The following SLC37A2 variants were observed in gnomAD, a reference collection of about 807,000 sequenced individuals.
SLC37A2 encodes solute carrier family 37 member 2.
In SLC37A2, 59 loss-of-function variants were observed where a neutral mutation model predicts 70.7. That is an observed-to-expected ratio of 0.83 (90% CI 0.68 to 1.04). SLC37A2 has a LOEUF of 1.04. SLC37A2 is among the 50% of genes least tolerant of loss of function. The pLI, the probability that SLC37A2 is intolerant of heterozygous loss-of-function variation, is 0.00. For synonymous variants in SLC37A2, 257 were observed against 262.1 expected (o/e 0.98, Z 0.19); for missense variants, 580 against 658.1 (o/e 0.88, Z 1.30).
intron 1 of SLC37A2, among the ~76,000 whole-genome samples, chr11:125,075,454 C>A (rs995778500): frequency 1.3e-5 from 2 of 152,234 alleles, no homozygotes; most frequent in Admixed American, 6.5e-5. Flanking sequence ...ACATGTGTGC[C>A]TTTGGGAACC....
In SLC37A2 at chr11:125,063,946, C is replaced by T. The variant is rs1591624308; in HGVS notation, c.59+520C>T. Among the ~76,000 whole-genome samples, 1 of 152,168 alleles carries T rather than the reference C, an allele frequency of 6.6e-6. No individual in the cohort carries two copies. The highest frequency in any genetic ancestry group is 1.9e-4 in the East Asian group (1 of 5,188). ...GGCCTTTCAGCACCTGGAAAGGGCA[C>T]AGCTCTCAGAGCAGAGCAGGGCAGC... On this transcript the variant is annotated intron_variant, in intron 1 of 17. Coordinates refer to ENST00000403796, the MANE Select transcript of SLC37A2 (RefSeq NM_001145290.2). This position sits in a 1 kb window ranked among gnomAD's most constrained non-coding sequence, Gnocchi z 5.4.
intron 4 of SLC37A2, among the ~76,000 whole-genome samples, chr11:125,078,584 C>T (rs1949114080): frequency 6.6e-6 from 1 of 152,094 alleles, no homozygotes; most frequent in Admixed American, 6.5e-5. Context: ...CTGAGCCTGG[C>T]TTGAGTGCCC....
chr11:125,079,035 G>T (rs1167866134), intron 4 of SLC37A2, 77 bp from the exon 5 acceptor site: 2 of 1,593,730 alleles, frequency 1.3e-6, no homozygotes, highest in African/African-American at 2.7e-5. Context: ...TCCTAGCGTG[G>T]TGGGGGCAGA....
Position 125,080,334 on chromosome 11 carries a change from C to T in SLC37A2, c.528-280C>T, listed in dbSNP as rs775681271. ...GAGATCGTGGGACAGAAGAGAAGAA[C>T]GAGGGCCGGGGCCCCCATGCCCTCA... On this transcript the variant is annotated intron_variant, in intron 6 of 17. Coordinates refer to ENST00000403796, the MANE Select transcript of SLC37A2 (RefSeq NM_001145290.2). This position sits in a 1 kb window ranked among gnomAD's most constrained non-coding sequence, Gnocchi z 4.3. Among the ~76,000 whole-genome samples the T allele has an allele frequency of 1.1e-4, 16 of 152,170 alleles. No homozygotes were observed. Among genetic ancestry groups the T allele is most frequent in the Admixed American group, 2.6e-4 (4 of 15,278 alleles).
chr11:125,085,708 G>A (rs1243965677), intron 16 of SLC37A2, 34 bp downstream of exon 16: 17 of 1,601,104 alleles, frequency 1.1e-5, no homozygotes, highest in Admixed American at 5.0e-5. Context: ...TAGGTATTGA[G>A]GGATGCTCTG....
At chr11:125,081,520 G>A (rs749193342) in intron 8 of SLC37A2, 62 bp downstream of exon 8, 14 of 1,551,832 alleles carry the variant, frequency 9.0e-6, no homozygotes, top group African/African-American at 2.7e-5. Flanking sequence ...GGCTGGACCC[G>A]GAGAGGCCTG....
chr11:125,077,313 G>C lies in SLC37A2; in HGVS notation c.225G>C (p.Trp75Cys). 1 of 1,604,066 alleles carries C rather than the reference G, an allele frequency of 6.2e-7. No homozygotes were observed. Among genetic ancestry groups the C allele is most frequent in the Non-Finnish European group, 8.5e-7 (1 of 1,175,212 alleles). Residue 75 changes from tryptophan (W) to cysteine (C), a missense_variant, in exon 3 of 18, where the codon TGG becomes TGC. Trp to Cys is a radical substitution (Grantham distance 215, BLOSUM62 -2). Transcript: ENST00000403796. Reference sequence around the variant, plus strand: ...TCAATGACACCATGTGGTGCAGCTGGGCCCCATTTGGTAAGAACAGGGCAA... The same window carrying C: ...TCAATGACACCATGTGGTGCAGCTGCGCCCCATTTGGTAAGAACAGGGCAA... ...HSLNDTMWCS[W>C]APFDKDNYKE...
intron 10 of SLC37A2, among the ~76,000 whole-genome samples, chr11:125,082,877 C>T (rs894717524): frequency 4.6e-5 from 7 of 152,148 alleles, no homozygotes; most frequent in South Asian, 2.1e-4. Flanking sequence ...GACCTACTCC[C>T]GTCTGCTCCT....
intron 14 of SLC37A2, 35 bp from the exon 15 acceptor site, chr11:125,085,360 C>G (rs1229294601): frequency 1.9e-6 from 3 of 1,598,030 alleles, no homozygotes; most frequent in Non-Finnish European, 2.6e-6. Flanking sequence ...TGCTGCTGCT[C>G]AGCTGGGCTT....
At position 125,088,639 on chromosome 11, in the gene SLC37A2, C is replaced by A. The variant is rs1949249978; in HGVS notation, c.*505C>A. 1 of 154,108 alleles carries A rather than the reference C, an allele frequency of 6.5e-6. No homozygotes were observed. Among genetic ancestry groups the A allele is most frequent in the Admixed American group, 6.5e-5 (1 of 15,426 alleles). 9.5% of individuals were successfully genotyped at this position (154,108 alleles called of 1,614,324 possible). On this transcript the variant is annotated 3_prime_UTR_variant, in exon 18 of 18. Transcript: ENST00000403796. ...TGTGCATTTCCCCAAGCTGGGCCCT[C>A]TTCTACTCTCCATTTAGGCCTGTTG...
chr11:125,079,749 C>A lies in SLC37A2; in HGVS notation c.516C>A (p.Phe172Leu). 6.2e-7 allele frequency: 1 copy of A among 1,609,160 alleles called. No homozygotes were observed. Among genetic ancestry groups the A allele is most frequent in the South Asian group, 1.1e-5 (1 of 89,894 alleles). The change falls in exon 6 of 18, where the codon TTC (phenylalanine) becomes TTA (leucine). Residue 172 changes from phenylalanine to leucine, a missense_variant. By Grantham distance (22) the Phe-to-Leu change is conservative. Transcript: ENST00000403796. ...PSVVTCVGNW[F>L]GKGKRGFIMG... is the part of the protein sequence containing the mutation. ...TGGTGACCTGTGTTGGCAACTGGTT[C>A]GGGAAGGGGAAGTGAGTGTAACAAG...
At chr11:125,070,357 C>A (rs1160064256) in intron 1 of SLC37A2, among the ~76,000 whole-genome samples, 1 of 152,202 alleles carries the variant, frequency 6.6e-6, no homozygotes, top group African/African-American at 2.4e-5. Context: ...GAGAGAAAAT[C>A]TGCTGTGTGC....
chr11:125,079,312 G>T (rs1302990172), intron 5 of SLC37A2, 65 bp downstream of exon 5: 3 of 1,601,316 alleles, frequency 1.9e-6, no homozygotes, highest in Admixed American at 1.7e-5. Context: ...GGAGACCGCA[G>T]CTCACAGCGG....
At chr11:125,068,070 C>T (rs1948998412) in intron 1 of SLC37A2, among the ~76,000 whole-genome samples, 1 of 152,120 alleles carries the variant, frequency 6.6e-6, no homozygotes, top group African/African-American at 2.4e-5. Context: ...TAGAAGGGCT[C>T]AGTAATACGC....
chr11:125,084,836 C>T lies in SLC37A2; in HGVS notation c.1137C>T (p.Tyr379=). Residue 379 remains tyrosine, a synonymous_variant, in exon 13 of 18, where the codon TAC becomes TAT. Transcript: ENST00000403796. Reference sequence around the variant, plus strand: ...CTCTCCTCTCTCAGATGTTCCTGTACAACTACATTGGCCAGGACGGGATTG... The same window carrying T: ...CTCTCCTCTCTCAGATGTTCCTGTATAACTACATTGGCCAGGACGGGATTG... ...LILAAPMMFL[Y]NYIGQDGIAS... 1.9e-6 allele frequency: 3 copies of T among 1,613,666 alleles called. No individual in the cohort carries two copies. Among genetic ancestry groups the T allele is most frequent in the Non-Finnish European group, 2.5e-6 (3 of 1,179,842 alleles).
chr11:125,080,298 TGC>T lies in SLC37A2; in HGVS notation c.528-315_528-314del, dbSNP rs1200279717. On this transcript the variant is annotated intron_variant, in intron 6 of 17. Transcript: ENST00000403796. The surrounding 1 kb of genome is among the most constrained non-coding windows in gnomAD (Gnocchi z 4.3). ...TAGGATCACCCCTGGTTGAGGACAG[TGC>T]TTTAGAGTGAGATCGTGGGACAGAA... Among the ~76,000 whole-genome samples the T allele has an allele frequency of 3.9e-5, 6 of 152,186 alleles. No individual in the cohort carries two copies. The highest frequency in any genetic ancestry group is 1.4e-4 in the African/African-American group (6 of 41,446).
In SLC37A2 at chr11:125,085,668, C is replaced by T; in HGVS notation, c.1419C>T (p.Ala473=). The change falls in exon 16 of 18, where the codon GCC becomes GCT. Residue 473 remains alanine, a synonymous_variant. Transcript: ENST00000403796. ...TGCTCATCTCTGCCGACGTCCTAGC[C>T]TGCTTGGTAAGAGTCTTGGGGTACA... ...FYMLISADVL[A]CLLLCRLVYK... is the part of the protein sequence containing the mutation. 1 of 1,612,792 alleles carries T rather than the reference C, an allele frequency of 6.2e-7. No individual in the cohort carries two copies. The highest frequency in any genetic ancestry group is 8.5e-7 in the Non-Finnish European group (1 of 1,179,988).
rs1040776101 is a variant in SLC37A2 at position 125,080,735 on chromosome 11, A to T, written c.649A>T (p.Ile217Phe). The change falls in exon 7 of 18, where the codon ATT becomes TTT. Residue 217 changes from isoleucine to phenylalanine, a missense_variant. Ile to Phe is a conservative substitution (Grantham distance 21). Coordinates refer to ENST00000403796, the MANE Select transcript of SLC37A2 (RefSeq NM_001145290.2). The surrounding 1 kb of genome is among the most constrained non-coding windows in gnomAD (Gnocchi z 4.3). ...CCTGTCGTTCATCGTGCCTGGCATC[A>T]TTACTGCCGTCATGGGCGTCATCAC... ...WGLSFIVPGI[I>F]TAVMGVITFL... 1 of 1,550,488 alleles carries T rather than the reference A, an allele frequency of 6.4e-7. No homozygotes were observed. The highest frequency in any genetic ancestry group is 8.7e-7 in the Non-Finnish European group (1 of 1,146,876).
chr11:125,073,098 C>T (rs887960489), intron 1 of SLC37A2, among the ~76,000 whole-genome samples: 19 of 152,176 alleles, frequency 1.2e-4, no homozygotes, highest in East Asian at 7.7e-4. Flanking sequence ...TCAGAGCTGG[C>T]GGGGACATCA....
Sources: gnomAD v4.1 joint callset for allele counts (sites outside exome capture counted in the v4.1 genomes callset) on GRCh38, gnomAD v4.1.1 for gene constraint, Gnocchi (gnomAD v3.1) non-coding constraint, MANE v1.5 for transcripts, NCBI Gene and HGNC (gene_info 2026-07-23, HGNC 2026-07-21) for gene names.